Variants in MAGI3 observed in about 807,000 individuals in gnomAD.
The protein encoded by MAGI3 is membrane-associated guanylate kinase, WW and PDZ domain-containing protein 3.
In MAGI3, 43 loss-of-function variants were observed where a neutral mutation model predicts 121.8. The ratio of observed to expected loss-of-function variants is 0.35; its 90% CI spans 0.28 to 0.46. The LOEUF is 0.46. Ranked by LOEUF, MAGI3 falls within the 20% of genes least tolerant of loss-of-function variation. The pLI is 1.00. For missense variants in MAGI3, 1,547 were observed against 1,797.3 expected, an observed-to-expected ratio of 0.86 and a Z score of 2.52; for synonymous variants, 553 against 639.3, an observed-to-expected ratio of 0.86 and a Z score of 2.04.
intron 1 of MAGI3, chr1:113,450,759 T>C: frequency 1.1e-6 from 1 of 874,608 alleles, no homozygotes; most frequent in Admixed American, 1.7e-5. Context: ...GCTACAGTTC[T>C]TAGTAGGAGA....
Position 113,391,340 on chromosome 1 carries a change from G to T in MAGI3, c.307G>T (p.Val103Leu). 6.3e-7 allele frequency: 1 copy of T among 1,594,232 alleles called. No individual in the cohort carries two copies. Among genetic ancestry groups the T allele is most frequent in the Non-Finnish European group, 8.5e-7 (1 of 1,171,146 alleles). The part of the protein sequence containing the change: ...HFREPIRLKT[V>L]KPGKVINKDL... ...CCGCGAGCCCATCCGTCTCAAGACT[G>T]TGAAACCAGGTACGCCGGCCCTGCG... The change falls in exon 1 of 21, where the codon GTG (valine) becomes TTG (leucine). Residue 103 changes from valine (V) to leucine (L), a missense_variant. Val to Leu is a conservative substitution (Grantham distance 32). Coordinates refer to ENST00000307546, the MANE Select transcript of MAGI3 (RefSeq NM_001142782.2). This position sits in a 1 kb window ranked among gnomAD's most constrained non-coding sequence, Gnocchi z 4.4.
chr1:113,445,137 A>G lies in MAGI3; in HGVS notation c.316+53788A>G, dbSNP rs575573684. Reference sequence around the variant, plus strand: ...CACTACCAAGTGGACCAACATAAACATTGTTGGAGTCCCAGAAGGAGAAGA... The same window carrying G: ...CACTACCAAGTGGACCAACATAAACGTTGTTGGAGTCCCAGAAGGAGAAGA... On this transcript the variant is annotated intron_variant, in intron 1 of 20. Coordinates refer to ENST00000307546, the MANE Select transcript of MAGI3 (RefSeq NM_001142782.2). Among the ~76,000 whole-genome samples the G allele has an allele frequency of 3.3e-5, 5 of 152,254 alleles. No individual in the cohort carries two copies. In the South Asian group the frequency reaches 1.0e-3, roughly 32 times the overall value.
intron 1 of MAGI3, chr1:113,450,169 G>A: frequency 6.6e-6 from 10 of 1,508,808 alleles, no homozygotes; most frequent in Non-Finnish European, 9.1e-6. Context: ...GCATGATACA[G>A]TTGATAAAAT....
chr1:113,527,826 A>G (rs976006420), intron 1 of MAGI3, among the ~76,000 whole-genome samples: 1 of 152,218 alleles, frequency 6.6e-6, no homozygotes, highest in African/African-American at 2.4e-5. Context: ...TATTGCTAGA[A>G]TTAGTTAATA....
rs975928166 is a variant in MAGI3, at chr1:113,594,515, C to T, written c.973C>T (p.Arg325Cys). Residue 325 changes from arginine (R) to cysteine (C), a missense_variant, in exon 6 of 21, where the codon CGT becomes TGT. Coordinates refer to ENST00000307546, the MANE Select transcript of MAGI3 (RefSeq NM_001142782.2). ...NTKTTTWLDP[R>C]LCKKAKAPED... The stretch of plus-strand genomic sequence containing the variant: ...CAAGACAACCACCTGGTTGGATCCT[C>T]GTCTTTGTAAGAAAGCCAAAGCCCC... The T allele has an allele frequency of 1.2e-6, 2 of 1,613,382 alleles. No individual in the cohort carries two copies. The highest frequency in any genetic ancestry group is 2.2e-5 in the East Asian group (1 of 44,848).
At chr1:113,424,249 C>G (rs958953471) in intron 1 of MAGI3, among the ~76,000 whole-genome samples, 1 of 140,456 alleles carries the variant, frequency 7.1e-6, no homozygotes, top group Non-Finnish European at 1.6e-5. Context: ...AGTGACCACT[C>G]CACATGGGCC....
At chr1:113,566,658 A>G (rs907053376) in intron 2 of MAGI3, among the ~76,000 whole-genome samples, 3 of 152,278 alleles carry the variant, frequency 2.0e-5, no homozygotes, top group Admixed American at 1.3e-4. Context: ...AAAACAGGAA[A>G]ATTTGCAAAT....
In MAGI3 at chr1:113,628,371, C is replaced by A. The variant is rs1374645145; in HGVS notation, c.1360+5377C>A. On this transcript the variant is annotated intron_variant, in intron 9 of 20. Coordinates refer to ENST00000307546, the MANE Select transcript of MAGI3 (RefSeq NM_001142782.2). ...AATTTTTTGTTATTTCTCTTTATGT[C>A]TTATTGTACTTTGTCTTGAAGATTT... 2.0e-5 allele frequency among the ~76,000 whole-genome samples: 3 copies of A among 151,970 alleles called. No homozygotes were observed. The East Asian group carries it at 5.8e-4, about 29-fold the overall frequency.
At chr1:113,664,896 C>T (rs994039259) in intron 16 of MAGI3, among the ~76,000 whole-genome samples, 13 of 152,072 alleles carry the variant, frequency 8.5e-5, no homozygotes, top group African/African-American at 2.9e-4. Flanking sequence ...TTCAGTAGTA[C>T]AGTTTTGTTT....
At chr1:113,468,658 A>C (rs1038550968) in intron 1 of MAGI3, among the ~76,000 whole-genome samples, 5 of 152,186 alleles carry the variant, frequency 3.3e-5, no homozygotes, top group Non-Finnish European at 2.9e-5. Flanking sequence ...CTGAATTTCA[A>C]AGATATAAAA....
intron 6 of MAGI3, among the ~76,000 whole-genome samples, chr1:113,596,313 A>T (rs1649009606): frequency 6.6e-6 from 1 of 152,204 alleles, no homozygotes; most frequent in South Asian, 2.1e-4. Flanking sequence ...AACCTCAATT[A>T]TGCCTCACTT....
In MAGI3 at chr1:113,395,087, G is replaced by GTTTTTT. The variant is rs139532433; in HGVS notation, c.316+3762_316+3767dup. 5.1e-3 allele frequency among the ~76,000 whole-genome samples: 170 copies of GTTTTTT among 33,224 alleles called. 10 individuals are homozygous for GTTTTTT. Among genetic ancestry groups the GTTTTTT allele is most frequent in the Non-Finnish European group, 6.9e-3 (135 of 19,632 alleles). 21.8% of individuals were successfully genotyped at this position (33,224 alleles called of 152,430 possible). ...TCTTATCTCTTGAATCTTTTTGTTA[G>GTTTTTT]TTTTTTTTTTTTTTTTTTTTTTTTT... On this transcript the variant is annotated intron_variant, in intron 1 of 20. Transcript: ENST00000307546.
chr1:113,505,552 A>AAATAAATG (rs1657284626), intron 1 of MAGI3, among the ~76,000 whole-genome samples: 1 of 148,600 alleles, frequency 6.7e-6, no homozygotes. Flanking sequence ...ATAAATAAAT[A>AAATAAATG]AATATATAAT....
chr1:113,522,427 A>G (rs573589124), intron 1 of MAGI3, among the ~76,000 whole-genome samples: 35 of 152,260 alleles, frequency 2.3e-4, no homozygotes, highest in African/African-American at 8.4e-4. Context: ...TTTTATAATT[A>G]TTCATGTGCT....
chr1:113,684,945 T>G lies in MAGI3; in HGVS notation c.*931T>G, dbSNP rs999023404. The G allele has an allele frequency of 6.6e-6, 1 of 152,384 alleles. No individual in the cohort carries two copies. The highest frequency in any genetic ancestry group is 2.4e-5 in the African/African-American group (1 of 41,460). 9.4% of individuals were successfully genotyped at this position (152,384 alleles called of 1,614,324 possible). On this transcript the variant is annotated 3_prime_UTR_variant, in exon 21 of 21. Transcript: ENST00000307546. Reference sequence around the variant, plus strand: ...TCATTAGTCTTTAATACATAATACATATTTGAAAAGTAAACATATTATATA... The same window carrying G: ...TCATTAGTCTTTAATACATAATACAGATTTGAAAAGTAAACATATTATATA...
At chr1:113,613,041 A>T (rs12723762) in intron 6 of MAGI3, among the ~76,000 whole-genome samples, 2 of 152,176 alleles carry the variant, frequency 1.3e-5, no homozygotes, top group African/African-American at 4.8e-5. Flanking sequence ...AATATTTTTC[A>T]TGGAAGATCC....
intron 6 of MAGI3, among the ~76,000 whole-genome samples, chr1:113,598,837 C>A (rs191729185): frequency 2.0e-5 from 3 of 152,258 alleles, no homozygotes; most frequent in African/African-American, 7.2e-5. Context: ...CAGATATTTA[C>A]AGAACAATTC....
chr1:113,408,005 A>G (rs1370511104), intron 1 of MAGI3, among the ~76,000 whole-genome samples: 1 of 152,148 alleles, frequency 6.6e-6, no homozygotes, highest in African/African-American at 2.4e-5. Context: ...TCAGGAAGGT[A>G]GCTTGGGATT....
chr1:113,634,696 G>T (rs1386116541), intron 9 of MAGI3, among the ~76,000 whole-genome samples: 1 of 152,148 alleles, frequency 6.6e-6, no homozygotes, highest in Non-Finnish European at 1.5e-5. Context: ...TTTTGGCTTA[G>T]GATTGACTTG....
Sources: gnomAD v4.1 joint callset for allele counts (sites outside exome capture counted in the v4.1 genomes callset) on GRCh38, gnomAD v4.1.1 for gene constraint, Gnocchi (gnomAD v3.1) non-coding constraint, MANE v1.5 for transcripts, NCBI Gene and HGNC (gene_info 2026-07-23, HGNC 2026-07-21) for gene names.